The following DAPK2 variants were observed in gnomAD, a reference collection of about 807,000 sequenced individuals.
DAPK2 encodes death associated protein kinase 2.
Under a neutral mutation model 44.1 loss-of-function variants are expected in DAPK2, and 35 were observed. The ratio of observed to expected loss-of-function variants is 0.79; its 90% CI spans 0.61 to 1.05. DAPK2 has a LOEUF of 1.05. Among genes scored for constraint, DAPK2 ranks in the 50% least tolerant of loss-of-function variants. The probability of loss-of-function intolerance (pLI) is 0.00; values close to 1 mark genes in which losing one functional copy is unlikely to be tolerated. For synonymous variants in DAPK2, 174 were observed against 182.6 expected, an observed-to-expected ratio of 0.95 and a Z score of 0.38; for missense variants, 453 against 483.2, an observed-to-expected ratio of 0.94 and a Z score of 0.59.
At chr15:63,983,511 G>A in intron 2 of DAPK2, 22 bp downstream of exon 3, 3 of 1,608,512 alleles carry the variant, frequency 1.9e-6, no homozygotes, top group Non-Finnish European at 2.6e-6. Context: ...CCAACCCTGT[G>A]GGTCCTGGGG....
At chr15:63,971,959 G>A (rs1294002398) in intron 2 of DAPK2, among the ~76,000 whole-genome samples, 2 of 152,194 alleles carry the variant, frequency 1.3e-5, no homozygotes, top group Non-Finnish European at 2.9e-5. Context: ...AACCCCCAAG[G>A]TGATGGTATT....
At chr15:64,005,807 T>C (rs2079211267) in intron 1 of DAPK2, among the ~76,000 whole-genome samples, 1 of 152,008 alleles carries the variant, frequency 6.6e-6, no homozygotes, top group African/African-American at 2.4e-5. Flanking sequence ...GGTGGGAGGA[T>C]CACTGGAGAC....
chr15:63,932,583 G>GAGATCAT (rs2077001600), intron 4 of DAPK2: 1 of 151,340 alleles, frequency 6.6e-6, no homozygotes, highest in Non-Finnish European at 1.5e-5. Context: ...TAAAAGCTTG[G>GAGATCAT]AGATCATGGA....
intron 3 of DAPK2, among the ~76,000 whole-genome samples, chr15:63,948,784 C>T (rs965768513): frequency 6.6e-6 from 1 of 152,196 alleles, no homozygotes; most frequent in Non-Finnish European, 1.5e-5. Context: ...CTCATTTTGT[C>T]ACAGTTTACA....
chr15:64,032,406 T>C (rs974953583), intron 1 of DAPK2, among the ~76,000 whole-genome samples: 1 of 152,194 alleles, frequency 6.6e-6, no homozygotes, highest in African/African-American at 2.4e-5. Flanking sequence ...GGCCTCTGTC[T>C]CAGTGCTGCA....
chr15:64,003,173 G>A (rs80189561), intron 1 of DAPK2, among the ~76,000 whole-genome samples: 5,374 of 152,170 alleles, frequency 0.035, 128 homozygotes, highest in African/African-American at 0.067. Flanking sequence ...TGATCTCAGG[G>A]GAGACCCCTT....
At chr15:63,940,715 TAATAAATAAATA>T (rs569302011) in intron 3 of DAPK2, among the ~76,000 whole-genome samples, 3 of 151,528 alleles carry the variant, frequency 2.0e-5, no homozygotes, top group African/African-American at 7.3e-5. Context: ...CTGTCTCAAT[TAATAAATAAATA>T]AATAAATAAA....
intron 3 of DAPK2, among the ~76,000 whole-genome samples, chr15:63,940,009 C>T (rs2077265426): frequency 6.6e-6 from 1 of 152,220 alleles, no homozygotes; most frequent in Admixed American, 6.5e-5. Context: ...AAGCAGCTGC[C>T]AGGTCTGACA....
At chr15:63,976,628 A>T (rs1033854983) in intron 2 of DAPK2, among the ~76,000 whole-genome samples, 8 of 152,098 alleles carry the variant, frequency 5.3e-5, no homozygotes, top group Non-Finnish European at 8.8e-5. Flanking sequence ...TGAGAGGATC[A>T]CCTGAGGTCG....
chr15:63,991,826 G>T (rs16947638), intron 1 of DAPK2, among the ~76,000 whole-genome samples: 57 of 152,270 alleles, frequency 3.7e-4, no homozygotes, highest in South Asian at 3.3e-3. Flanking sequence ...CAGGGTCAGC[G>T]GTGAGGAGCA....
chr15:63,908,360 C>T lies in DAPK2; in HGVS notation c.*160G>A. ...AAGACAGCCACAGCTCCCAGGGTCT[C>T]CTGGCTTGCCTGCAAGCTCTTCTGA... On this transcript the variant is annotated 3_prime_UTR_variant, in exon 11 of 11. Coordinates refer to ENST00000261891, the Ensembl canonical transcript of DAPK2. The surrounding 1 kb of genome is among the most constrained non-coding windows in gnomAD (Gnocchi z 5.7). The T allele has an allele frequency of 4.5e-6, 2 of 439,620 alleles. No homozygotes were observed. The highest frequency in any genetic ancestry group is 4.0e-6 in the Non-Finnish European group (1 of 248,704). The allele number at this position is 439,620 out of a possible 1,614,324, so 27.2% of individuals were successfully genotyped here. A position where few individuals can be genotyped will look rare whatever the true frequency, so the allele number is the denominator to read the frequency against.
chr15:63,918,595 G>C (rs112181265), intron 8 of DAPK2: 4,493 of 152,524 alleles, frequency 0.029, 100 homozygotes, highest in African/African-American at 0.064. Context: ...TGTAATTCCA[G>C]CACTTTGGAA....
intron 2 of DAPK2, among the ~76,000 whole-genome samples, chr15:63,981,961 TC>T (rs1243471950): frequency 6.6e-6 from 1 of 152,166 alleles, no homozygotes; most frequent in East Asian, 1.9e-4. Context: ...TAAATCTATA[TC>T]CTGCCAATAC....
intron 3 of DAPK2, among the ~76,000 whole-genome samples, chr15:63,961,246 G>A (rs563005929): frequency 1.3e-5 from 2 of 152,070 alleles, no homozygotes; most frequent in African/African-American, 2.4e-5. Flanking sequence ...GTCTCTGTAC[G>A]TGAGATGGAT....
chr15:63,983,126 C>T (rs1383352423), intron 2 of DAPK2, among the ~76,000 whole-genome samples: 1 of 152,186 alleles, frequency 6.6e-6, no homozygotes, highest in East Asian at 1.9e-4. Flanking sequence ...GTTTGTACTT[C>T]CCCTCCTCAT....
At chr15:63,930,637 G>A (rs2079518025) in intron 4 of DAPK2, among the ~76,000 whole-genome samples, 182 bp from the exon 6 acceptor site, 1 of 152,200 alleles carries the variant, frequency 6.6e-6, no homozygotes, top group Admixed American at 6.5e-5. Context: ...TGGCCCAAAT[G>A]TTTGTGCGTC....
chr15:63,977,521 AAAT>A (rs35526246), intron 2 of DAPK2, among the ~76,000 whole-genome samples: 69,895 of 151,788 alleles, frequency 0.46, 16,932 homozygotes, highest in East Asian at 0.96. Context: ...GGAGTGAAAA[AAAT>A]AATGCTTTCA....
intron 8 of DAPK2, chr15:63,924,502 G>A (rs1485089076): frequency 3.9e-6 from 1 of 259,300 alleles, no homozygotes; most frequent in African/African-American, 2.2e-5. Context: ...TTGGAGAAGT[G>A]GCAGTGACAT....
Position 64,013,147 on chromosome 15 carries a change from G to C in DAPK2, c.92+27023C>G, listed in dbSNP as rs2079432217. On this transcript the variant is annotated intron_variant, in intron 1 of 10. Transcript: ENST00000261891. The surrounding 1 kb of genome is among the most constrained non-coding windows in gnomAD (Gnocchi z 4.7). The stretch of plus-strand genomic sequence containing the variant: ...ATAAGGTGGCAACCAAATCATTAAA[G>C]AGCCGACTCATTTCACGGTGCATGT... Among the ~76,000 whole-genome samples, 1 of 152,194 alleles carries C rather than the reference G, an allele frequency of 6.6e-6. No individual in the cohort carries two copies. Among genetic ancestry groups the C allele is most frequent in the Non-Finnish European group, 1.5e-5 (1 of 68,042 alleles).
Sources: gnomAD v4.1 joint callset for allele counts (sites outside exome capture counted in the v4.1 genomes callset) on GRCh38, gnomAD v4.1.1 for gene constraint, Gnocchi (gnomAD v3.1) non-coding constraint, MANE v1.5 for transcripts, NCBI Gene and HGNC (gene_info 2026-07-23, HGNC 2026-07-21) for gene names.